DYM: variants seen among roughly 807,000 people sequenced by gnomAD.
DYM encodes dyggve-Melchior-Clausen syndrome protein.
Under a neutral mutation model 93.1 loss-of-function variants are expected in DYM, and 78 were observed. That is an observed-to-expected ratio of 0.84 (90% CI 0.70 to 1.01). The LOEUF (loss-of-function observed/expected upper bound fraction) is 1.01, where lower values mean the gene tolerates loss of function less well. Ranked by LOEUF, DYM falls within the 50% of genes least tolerant of loss-of-function variation. The pLI, the probability that DYM is intolerant of heterozygous loss-of-function variation, is 0.00. For synonymous variants in DYM, 321 were observed against 319.7 expected (o/e 1.00, Z -0.04); for missense variants, 789 against 845.0 (o/e 0.93, Z 0.82).
intron 15 of DYM, among the ~76,000 whole-genome samples, chr18:49,140,336 T>C (rs1452539623): frequency 2.0e-5 from 3 of 152,146 alleles, no homozygotes; most frequent in African/African-American, 7.2e-5. Context: ...GAAACACATT[T>C]ATACATACTT....
chr18:49,424,440 T>A (rs1262035908), intron 2 of DYM, among the ~76,000 whole-genome samples: 2 of 151,936 alleles, frequency 1.3e-5, no homozygotes, highest in African/African-American at 4.8e-5. Flanking sequence ...CCACCAATAT[T>A]GTACTGACTG....
intron 8 of DYM, among the ~76,000 whole-genome samples, chr18:49,312,036 A>G (rs1192348480): frequency 6.6e-6 from 1 of 152,134 alleles, no homozygotes; most frequent in African/African-American, 2.4e-5. Flanking sequence ...TACACTGGCC[A>G]TCTTTATCTC....
intron 14 of DYM, among the ~76,000 whole-genome samples, chr18:49,171,270 G>A (rs934631357): frequency 6.6e-6 from 1 of 152,134 alleles, no homozygotes. Context: ...TTACTGGGAG[G>A]GGGTGTGGAG....
At chr18:49,423,127 T>G (rs2148368710) in intron 2 of DYM, among the ~76,000 whole-genome samples, 1 of 152,266 alleles carries the variant, frequency 6.6e-6, no homozygotes, top group East Asian at 1.9e-4. Flanking sequence ...ATTCCAAAAT[T>G]GATCACATAG....
intron 8 of DYM, 109 bp downstream of exon 8, chr18:49,331,755 A>C: frequency 8.3e-7 from 1 of 1,208,250 alleles, no homozygotes; most frequent in Non-Finnish European, 1.2e-6. Context: ...CCAGCTGCAC[A>C]AATTCAATGT....
chr18:49,385,604 A>G (rs1251702736), intron 3 of DYM, among the ~76,000 whole-genome samples: 1 of 152,138 alleles, frequency 6.6e-6, no homozygotes, highest in African/African-American at 2.4e-5. Context: ...CTGAGACAGG[A>G]GAATTGCTTG....
chr18:49,049,678 T>C (rs898844855), intron 17 of DYM: 2 of 154,542 alleles, frequency 1.3e-5, no homozygotes, highest in African/African-American at 4.8e-5. Context: ...GATGCTCTTA[T>C]AATGTTCTGT....
chr18:49,397,633 A>G (rs2070273143), intron 2 of DYM, among the ~76,000 whole-genome samples: 1 of 152,238 alleles, frequency 6.6e-6, no homozygotes, highest in East Asian at 1.9e-4. Context: ...TTTTTAAAAG[A>G]GTAATTCATA....
At chr18:49,199,117 C>G (rs1361136855) in intron 14 of DYM, among the ~76,000 whole-genome samples, 2 of 152,106 alleles carry the variant, frequency 1.3e-5, no homozygotes, top group African/African-American at 2.4e-5. Flanking sequence ...TCTCAGCAAA[C>G]TATCACAAGG....
At chr18:49,265,982 A>G (rs983141083) in intron 11 of DYM, among the ~76,000 whole-genome samples, 3 of 151,906 alleles carry the variant, frequency 2.0e-5, no homozygotes, top group South Asian at 2.1e-4. Flanking sequence ...TGGAAATGTT[A>G]TAAGTTTTGA....
At chr18:49,252,461 G>A (rs12051955) in intron 13 of DYM, among the ~76,000 whole-genome samples, 3 of 152,008 alleles carry the variant, frequency 2.0e-5, no homozygotes, top group Non-Finnish European at 4.4e-5. Flanking sequence ...TCATGAATGA[G>A]AACAGCATGA....
At chr18:49,262,378 A>G (rs1419407062) in intron 11 of DYM, among the ~76,000 whole-genome samples, 1 of 152,140 alleles carries the variant, frequency 6.6e-6, no homozygotes, top group Admixed American at 6.5e-5. Context: ...ATAAATTTCT[A>G]TTGTTAGGAG....
At chr18:49,451,792 AG>A (rs2082536840) in intron 1 of DYM, among the ~76,000 whole-genome samples, 1 of 152,240 alleles carries the variant, frequency 6.6e-6, no homozygotes, top group African/African-American at 2.4e-5. Flanking sequence ...TATGCTCCAA[AG>A]CTTATCATAC....
intron 17 of DYM, among the ~76,000 whole-genome samples, chr18:49,054,111 A>G (rs2075265837): frequency 6.6e-6 from 1 of 152,236 alleles, no homozygotes; most frequent in Non-Finnish European, 1.5e-5. Context: ...TTCCAAGTGT[A>G]ATGGAGGGAG....
At chr18:49,339,584 T>C (rs1331852822) in intron 6 of DYM, among the ~76,000 whole-genome samples, 1 of 152,004 alleles carries the variant, frequency 6.6e-6, no homozygotes, top group East Asian at 1.9e-4. Context: ...GTCCAACCCT[T>C]GAGGAGCTGA....
At chr18:49,223,726 C>T (rs1568048347) in intron 13 of DYM, among the ~76,000 whole-genome samples, 3 of 151,812 alleles carry the variant, frequency 2.0e-5, no homozygotes, top group Non-Finnish European at 2.9e-5. Context: ...ATAAAAGTAA[C>T]GATTCAGCCA....
At chr18:49,106,062 T>C (rs1445534689) in intron 16 of DYM, among the ~76,000 whole-genome samples, 3 of 152,220 alleles carry the variant, frequency 2.0e-5, no homozygotes, top group Non-Finnish European at 4.4e-5. Context: ...TGTAGGTCTC[T>C]AAGGACTTGC....
intron 14 of DYM, among the ~76,000 whole-genome samples, chr18:49,166,324 C>T (rs2087860751): frequency 6.6e-6 from 1 of 152,152 alleles, no homozygotes; most frequent in African/African-American, 2.4e-5. Context: ...ATTCAACAAA[C>T]ACATGAGTGT....
At chr18:49,126,245 C>T (rs2082813341) in intron 15 of DYM, 1 of 152,176 alleles carries the variant, frequency 6.6e-6, no homozygotes. Flanking sequence ...AGATCAACTA[C>T]AGCTTCAAGG....
Sources: allele counts gnomAD v4.1 joint callset (sites outside exome capture counted in the v4.1 genomes callset), GRCh38; gene constraint gnomAD v4.1.1; transcripts MANE v1.5; gene names NCBI Gene and HGNC (gene_info 2026-07-23, HGNC 2026-07-21).